PGM5: variants seen among roughly 807,000 people sequenced by gnomAD.
PGM5 encodes the protein phosphoglucomutase-like protein 5.
PGM5 carries 23 observed loss-of-function variants against 59.2 expected under a neutral mutation model. The ratio of observed to expected loss-of-function variants is 0.39; its 90% CI spans 0.28 to 0.55. The LOEUF (loss-of-function observed/expected upper bound fraction) is 0.55. PGM5 is among the 20% of genes least tolerant of loss of function. The pLI, the probability that PGM5 is intolerant of heterozygous loss-of-function variation, is 0.66. For synonymous variants in PGM5, 214 were observed against 286.0 expected, an observed-to-expected ratio of 0.75 and a Z score of 2.54; for missense variants, 574 against 748.3, an observed-to-expected ratio of 0.77 and a Z score of 2.72.
intron 9 of PGM5, among the ~76,000 whole-genome samples, chr9:68,493,203 T>A (rs548305159): frequency 6.6e-6 from 1 of 152,332 alleles, no homozygotes; most frequent in African/African-American, 2.4e-5. Context: ...TCCAAACTAA[T>A]ATCTGGCAGC....
At chr9:68,453,154 G>C (rs1198201488) in intron 6 of PGM5, among the ~76,000 whole-genome samples, 1 of 152,130 alleles carries the variant, frequency 6.6e-6, no homozygotes, top group Non-Finnish European at 1.5e-5. Flanking sequence ...ATGAGCATTT[G>C]GTTTTGAAAT....
chr9:68,435,558 T>C (rs1564005104), intron 6 of PGM5, among the ~76,000 whole-genome samples: 1 of 152,196 alleles, frequency 6.6e-6, no homozygotes, highest in Non-Finnish European at 1.5e-5. Context: ...CTTAGCCTCA[T>C]GTTTTTAATG....
At chr9:68,438,559 C>T (rs1173107453) in intron 6 of PGM5, among the ~76,000 whole-genome samples, 22 of 152,152 alleles carry the variant, frequency 1.4e-4, no homozygotes, top group Admixed American at 1.3e-3. Flanking sequence ...ACTTCATCCA[C>T]GGTCTTCCCC....
intron 9 of PGM5, chr9:68,498,953 C>A: frequency 2.7e-6 from 1 of 373,094 alleles, no homozygotes; most frequent in Non-Finnish European, 4.9e-6. Flanking sequence ...TCCCATATCA[C>A]CAGCCCAAGA....
At chr9:68,433,830 T>A (rs1823396077) in intron 6 of PGM5, among the ~76,000 whole-genome samples, 1 of 152,156 alleles carries the variant, frequency 6.6e-6, no homozygotes, top group Admixed American at 6.5e-5. Flanking sequence ...GGAAAGATGG[T>A]TTGGTTTCTT....
rs140891796 is a variant in PGM5, at chr9:68,509,672, T to G, written c.1614+10311T>G. 6.8e-5 allele frequency among the ~76,000 whole-genome samples: 10 copies of G among 147,820 alleles called. No homozygotes were observed. In the East Asian group the frequency reaches 2.0e-3, roughly 30 times the overall value. On this transcript the variant is annotated intron_variant, in intron 10 of 10. Coordinates refer to ENST00000396396, the MANE Select transcript of PGM5 (RefSeq NM_021965.4). Reference sequence around the variant, plus strand: ...AAAGGGAAAATGTGGGTGAAGCCTTTTTGGAGATTCTCTGGGAAAGGTAAG... The same window carrying G: ...AAAGGGAAAATGTGGGTGAAGCCTTGTTGGAGATTCTCTGGGAAAGGTAAG...
At chr9:68,415,598 G>T (rs370839) in intron 6 of PGM5, among the ~76,000 whole-genome samples, 92,758 of 94,304 alleles carry the variant, frequency 0.98, 45,843 homozygotes, top group East Asian at 1. Context: ...TCAAATTCAT[G>T]TCATTTCTGA....
At chr9:68,473,507 G>T (rs1056380718) in intron 7 of PGM5, among the ~76,000 whole-genome samples, 3 of 152,116 alleles carry the variant, frequency 2.0e-5, no homozygotes, top group Admixed American at 1.3e-4. Flanking sequence ...TCATACAGAT[G>T]ACCTAAGCTC....
intron 2 of PGM5, among the ~76,000 whole-genome samples, chr9:68,381,768 C>G (rs1416034808): frequency 1.3e-5 from 2 of 151,416 alleles, no homozygotes; most frequent in African/African-American, 4.8e-5. Context: ...AATGACCCAG[C>G]TGAAAATAAT....
intron 1 of PGM5, among the ~76,000 whole-genome samples, chr9:68,367,984 A>G (rs1287652467): frequency 6.6e-6 from 1 of 152,138 alleles, no homozygotes; most frequent in Non-Finnish European, 1.5e-5. Flanking sequence ...GGGGATATAT[A>G]TTTATACGTA....
intron 6 of PGM5, among the ~76,000 whole-genome samples, chr9:68,433,228 C>T (rs528788907): frequency 2.6e-5 from 4 of 152,280 alleles, no homozygotes; most frequent in East Asian, 1.9e-4. Context: ...TGGATTCTGT[C>T]GCTGTTTAGT....
In PGM5 at chr9:68,493,400, C is replaced by T. The variant is rs376669014; in HGVS notation, c.1480-5827C>T. Among the ~76,000 whole-genome samples, 51 of 152,286 alleles carry T rather than the reference C, an allele frequency of 3.3e-4. 1 individual carries two copies. The South Asian group carries it at 8.3e-3, about 25-fold the overall frequency. On this transcript the variant is annotated intron_variant, in intron 9 of 10. Coordinates refer to ENST00000396396, the MANE Select transcript of PGM5 (RefSeq NM_021965.4). The stretch of plus-strand genomic sequence containing the variant: ...AACATAAGATATTGTTCAGATATTT[C>T]GCATGAGAAGCAATGTGTGAATATC...
chr9:68,416,086 A>T (rs1232669380), intron 6 of PGM5, among the ~76,000 whole-genome samples: 1 of 152,222 alleles, frequency 6.6e-6, no homozygotes, highest in Non-Finnish European at 1.5e-5. Context: ...GAGATAAATT[A>T]ACCATGCTCA....
At chr9:68,431,164 T>C (rs891320430) in intron 6 of PGM5, among the ~76,000 whole-genome samples, 5 of 152,214 alleles carry the variant, frequency 3.3e-5, no homozygotes, top group African/African-American at 1.2e-4. Context: ...CCTAGCCACA[T>C]CGTCTAAGGT....
intron 6 of PGM5, among the ~76,000 whole-genome samples, chr9:68,434,257 C>A (rs990177706): frequency 2.6e-4 from 34 of 129,418 alleles, no homozygotes; most frequent in Non-Finnish European, 4.6e-4. Flanking sequence ...GCAGAGGTTG[C>A]AGTGAGCCAA....
chr9:68,477,880 A>G (rs1824131561), intron 7 of PGM5, among the ~76,000 whole-genome samples: 1 of 152,252 alleles, frequency 6.6e-6, no homozygotes, highest in Admixed American at 6.5e-5. Flanking sequence ...AGCCAGGATT[A>G]GAACATGAGA....
intron 6 of PGM5, among the ~76,000 whole-genome samples, chr9:68,415,880 A>G (rs1823020887): frequency 1.3e-5 from 2 of 150,042 alleles, no homozygotes; most frequent in Non-Finnish European, 3.0e-5. Context: ...ATACATAGGT[A>G]CATTTTGTTG....
chr9:68,428,594 A>C (rs1264601498), intron 6 of PGM5: 4 of 152,178 alleles, frequency 2.6e-5, no homozygotes, highest in African/African-American at 9.7e-5. Flanking sequence ...GCAAGCTAAT[A>C]GCCTGTCAGG....
At chr9:68,380,494 G>T (rs768964597) in intron 2 of PGM5, among the ~76,000 whole-genome samples, 1 of 151,488 alleles carries the variant, frequency 6.6e-6, no homozygotes, top group Non-Finnish European at 1.5e-5. Flanking sequence ...CATTAAAAAA[G>T]GAAAAAGATC....
Sources: gnomAD v4.1 joint callset for allele counts (sites outside exome capture counted in the v4.1 genomes callset) on GRCh38, gnomAD v4.1.1 for gene constraint, MANE v1.5 for transcripts, NCBI Gene and HGNC (gene_info 2026-07-23, HGNC 2026-07-21) for gene names.